Variants in ZNF385B observed in about 807,000 individuals in gnomAD.
ZNF385B encodes zinc finger protein 385B.
Under a neutral mutation model 39.2 loss-of-function variants are expected in ZNF385B, and 23 were observed. The ratio of observed to expected loss-of-function variants is 0.59; its 90% CI spans 0.42 to 0.83. The LOEUF (loss-of-function observed/expected upper bound fraction) is 0.83. Among genes scored for constraint, ZNF385B ranks in the 40% least tolerant of loss-of-function variants. The pLI is 0.00. For synonymous variants in ZNF385B, 205 were observed against 222.6 expected, an observed-to-expected ratio of 0.92 and a Z score of 0.70; for missense variants, 552 against 598.9, an observed-to-expected ratio of 0.92 and a Z score of 0.82.
At chr2:179,780,042 G>A (rs1166926507) in intron 1 of ZNF385B, among the ~76,000 whole-genome samples, 1 of 152,056 alleles carries the variant, frequency 6.6e-6, no homozygotes, top group Non-Finnish European at 1.5e-5. Flanking sequence ...CGGCAGCTGG[G>A]CCTAGGAGCA....
intron 3 of ZNF385B, among the ~76,000 whole-genome samples, chr2:179,761,335 G>C (rs1191585603): frequency 6.6e-6 from 1 of 152,120 alleles, no homozygotes; most frequent in Non-Finnish European, 1.5e-5. Context: ...AGTTTAAGGA[G>C]AACTGGCATC....
At chr2:179,763,252 T>C (rs1399647013) in intron 3 of ZNF385B, among the ~76,000 whole-genome samples, 1 of 152,186 alleles carries the variant, frequency 6.6e-6, no homozygotes, top group Non-Finnish European at 1.5e-5. Context: ...TTATGGTTTC[T>C]GAAGGACTGG....
chr2:179,686,090 A>G (rs933814630), intron 3 of ZNF385B, among the ~76,000 whole-genome samples: 1 of 152,246 alleles, frequency 6.6e-6, no homozygotes, highest in Non-Finnish European at 1.5e-5. Flanking sequence ...AGGGTCATAA[A>G]AAAACCTTCA....
chr2:179,474,145 A>AAAC (rs2053155049), intron 6 of ZNF385B, among the ~76,000 whole-genome samples: 1 of 152,138 alleles, frequency 6.6e-6, no homozygotes. Context: ...GTAGGGAAAG[A>AAAC]AACACACATT....
chr2:179,447,828 G>A (rs2049657601), intron 6 of ZNF385B, among the ~76,000 whole-genome samples: 1 of 152,186 alleles, frequency 6.6e-6, no homozygotes, highest in South Asian at 2.1e-4. Context: ...GCAATGTGGT[G>A]TGTGTTTCTG....
chr2:179,495,215 C>T (rs1574447546), intron 5 of ZNF385B, among the ~76,000 whole-genome samples: 1 of 152,270 alleles, frequency 6.6e-6, no homozygotes, highest in East Asian at 1.9e-4. Context: ...GGAACATTGA[C>T]AGAAATCTGG....
At chr2:179,658,944 AT>A (rs1694131276) in intron 3 of ZNF385B, among the ~76,000 whole-genome samples, 3 of 152,006 alleles carry the variant, frequency 2.0e-5, no homozygotes, top group Admixed American at 2.0e-4. Flanking sequence ...CAGCCAGCTA[AT>A]TTTTGTATTT....
intron 4 of ZNF385B, among the ~76,000 whole-genome samples, chr2:179,528,434 T>A (rs148884624): frequency 1.8e-4 from 27 of 152,316 alleles, no homozygotes; most frequent in African/African-American, 5.1e-4. Context: ...AGCAAAATGA[T>A]CATGAGTTAC....
At chr2:179,760,764 GACAC>G (rs1263366764) in intron 3 of ZNF385B, among the ~76,000 whole-genome samples, 1 of 152,150 alleles carries the variant, frequency 6.6e-6, no homozygotes, top group Non-Finnish European at 1.5e-5. Flanking sequence ...AAAAGACATA[GACAC>G]ACAGAGCAGA....
intron 3 of ZNF385B, among the ~76,000 whole-genome samples, chr2:179,629,881 C>T (rs186044666): frequency 2.3e-3 from 347 of 152,348 alleles, no homozygotes; most frequent in Non-Finnish European, 3.9e-3. Context: ...CCTGGCTCAG[C>T]GGGTCCCACA....
At chr2:179,751,711 T>C (rs1223784282) in intron 3 of ZNF385B, among the ~76,000 whole-genome samples, 2 of 152,024 alleles carry the variant, frequency 1.3e-5, no homozygotes, top group Non-Finnish European at 2.9e-5. Context: ...GTACAGACTA[T>C]AGCAGCAAGA....
intron 1 of ZNF385B, among the ~76,000 whole-genome samples, chr2:179,833,013 A>G (rs1321993918): frequency 6.6e-6 from 1 of 152,156 alleles, no homozygotes; most frequent in Non-Finnish European, 1.5e-5. Context: ...CACATTTCTC[A>G]GAGTATATCA....
At chr2:179,744,312 A>ATTT (rs3215240) in intron 3 of ZNF385B, among the ~76,000 whole-genome samples, 2 of 145,432 alleles carry the variant, frequency 1.4e-5, no homozygotes, top group Non-Finnish European at 3.0e-5. Context: ...CCATCTCTCC[A>ATTT]TTTTTTTTTT....
chr2:179,786,565 A>G (rs1367640469), intron 1 of ZNF385B, among the ~76,000 whole-genome samples: 1 of 152,104 alleles, frequency 6.6e-6, no homozygotes, highest in Non-Finnish European at 1.5e-5. Flanking sequence ...AGAGAATCTT[A>G]GGTAACCCCC....
intron 3 of ZNF385B, among the ~76,000 whole-genome samples, chr2:179,708,111 A>G (rs1699748439): frequency 6.6e-6 from 1 of 152,210 alleles, no homozygotes; most frequent in Admixed American, 6.5e-5. Flanking sequence ...TGGATACTGA[A>G]GCTGATATGG....
chr2:179,583,608 A>T (rs1686779206), intron 3 of ZNF385B, among the ~76,000 whole-genome samples: 1 of 152,218 alleles, frequency 6.6e-6, no homozygotes, highest in Non-Finnish European at 1.5e-5. Context: ...CCATAACAGC[A>T]TGCTAAAATA....
intron 3 of ZNF385B, among the ~76,000 whole-genome samples, chr2:179,579,322 G>A (rs1301911674): frequency 6.6e-6 from 1 of 151,752 alleles, no homozygotes; most frequent in Non-Finnish European, 1.5e-5. Flanking sequence ...TGGCTTACTG[G>A]TGTGAGATAA....
intron 3 of ZNF385B, among the ~76,000 whole-genome samples, chr2:179,698,384 T>C (rs1698929291): frequency 6.6e-6 from 1 of 152,216 alleles, no homozygotes; most frequent in African/African-American, 2.4e-5. Flanking sequence ...TAACCATAAT[T>C]ATACTGAAGA....
chr2:179,728,253 T>G (rs1187039921), intron 3 of ZNF385B, among the ~76,000 whole-genome samples: 4 of 152,194 alleles, frequency 2.6e-5, no homozygotes, highest in African/African-American at 9.6e-5. Context: ...TCTTCTCTCT[T>G]TTTAAACTGT....
Sources: gnomAD v4.1 joint callset for allele counts (sites outside exome capture counted in the v4.1 genomes callset) on GRCh38, gnomAD v4.1.1 for gene constraint, MANE v1.5 for transcripts, NCBI Gene and HGNC (gene_info 2026-07-23, HGNC 2026-07-21) for gene names.